The following TBL1X variants were observed in gnomAD, a reference collection of about 807,000 sequenced individuals.
The protein encoded by TBL1X is F-box-like/WD repeat-containing protein TBL1X.
Under a neutral mutation model 50.7 loss-of-function variants are expected in TBL1X, and 10 were observed. The observed-to-expected ratio is 0.20, with a 90% CI of 0.12 to 0.33. TBL1X has a LOEUF of 0.33. Among genes scored for constraint, TBL1X ranks in the 10% least tolerant of loss-of-function variants. The probability of loss-of-function intolerance (pLI) is 1.00; values close to 1 mark genes in which losing one functional copy is unlikely to be tolerated. For missense variants in TBL1X, 340 were observed against 504.4 expected (o/e 0.67, Z 3.12); for synonymous variants, 190 against 214.7 (o/e 0.88, Z 1.01).
chrX:9,684,339 C>T (rs951012699), intron 6 of TBL1X, 151 bp downstream of exon 6: 3 of 809,129 alleles, frequency 3.7e-6, no homozygotes, highest in Non-Finnish European at 5.2e-6. Flanking sequence ...AATCCCAGGA[C>T]TTTGGGAGGC....
At chrX:9,572,056 C>G (rs1460037429) in intron 2 of TBL1X, among the ~76,000 whole-genome samples, 3 of 111,936 alleles carry the variant, frequency 2.7e-5, no homozygotes, top group African/African-American at 9.8e-5. Flanking sequence ...CTTGTGACTA[C>G]TATTTAGATG....
intron 2 of TBL1X, among the ~76,000 whole-genome samples, chrX:9,581,687 G>C (rs989144516): frequency 2.7e-4 from 30 of 112,106 alleles, no homozygotes; most frequent in Non-Finnish European, 3.8e-4. Context: ...CATTTGCTTA[G>C]TGCTGCGAGA....
chrX:9,711,835 C>T (rs767802297), intron 16 of TBL1X, 59 bp downstream of exon 16: 1 of 1,114,476 alleles, frequency 9.0e-7, no homozygotes, highest in East Asian at 3.2e-5. Context: ...ATAGCCACGA[C>T]TCCAGTGCCC....
chrX:9,703,499 C>A (rs977578687), intron 12 of TBL1X, among the ~76,000 whole-genome samples: 3 of 111,630 alleles, frequency 2.7e-5, no homozygotes, highest in Non-Finnish European at 3.8e-5. Flanking sequence ...CCCTTCCTGG[C>A]CCCTAGGAAG....
intron 2 of TBL1X, among the ~76,000 whole-genome samples, chrX:9,530,768 A>T (rs2082155997): frequency 8.9e-6 from 1 of 112,463 alleles, no homozygotes; most frequent in East Asian, 2.8e-4. Context: ...TATAACGGAA[A>T]GAAAATGTTT....
intron 2 of TBL1X, among the ~76,000 whole-genome samples, chrX:9,633,694 C>T (rs771681146): frequency 2.7e-5 from 3 of 112,342 alleles, no homozygotes; most frequent in Non-Finnish European, 5.6e-5. Context: ...TAAAAAAATA[C>T]ACATTGGAGA....
intron 2 of TBL1X, among the ~76,000 whole-genome samples, chrX:9,536,962 G>A (rs2082191297): frequency 8.9e-6 from 1 of 112,279 alleles, no homozygotes; most frequent in Admixed American, 9.4e-5. Flanking sequence ...CGCCAAGAAA[G>A]ATTTCCAGGC....
intron 2 of TBL1X, among the ~76,000 whole-genome samples, chrX:9,552,733 G>A (rs1457519885): frequency 8.9e-6 from 1 of 112,148 alleles, no homozygotes; most frequent in East Asian, 2.8e-4. Context: ...TCTCAAAATG[G>A]TCCTTGGTAG....
chrX:9,706,127 C>G (rs1356602127), intron 13 of TBL1X, among the ~76,000 whole-genome samples: 4 of 112,015 alleles, frequency 3.6e-5, no homozygotes, highest in African/African-American at 1.3e-4. Flanking sequence ...GGCCCCACCT[C>G]TGCATCAGGG....
At chrX:9,599,347 A>G (rs2082542836) in intron 2 of TBL1X, among the ~76,000 whole-genome samples, 1 of 112,405 alleles carries the variant, frequency 8.9e-6, no homozygotes, top group African/African-American at 3.2e-5. Flanking sequence ...AGTTACTCCC[A>G]GGTACTAGGT....
chrX:9,698,084 G>A (rs7886505), intron 12 of TBL1X, among the ~76,000 whole-genome samples: 20,493 of 110,611 alleles, frequency 0.19, 1,513 homozygotes, highest in South Asian at 0.32. Flanking sequence ...ATCCTGAGAT[G>A]CCCCTTAAAG....
rs16985643 is a variant in TBL1X at position 9,646,033 on chromosome X, A to G, written c.-43+5673A>G. ...AGTTGGTTATCTTCCCTAAGCCTTTATTTGTTAAACCTATAAAATGGTAAT... is the reference window on the plus strand; with the variant it reads ...AGTTGGTTATCTTCCCTAAGCCTTTGTTTGTTAAACCTATAAAATGGTAAT... On this transcript the variant is annotated intron_variant, in intron 3 of 17. Transcript: ENST00000645353. Among the ~76,000 whole-genome samples the G allele has an allele frequency of 5.0e-3, 558 of 112,689 alleles. 4 individuals are homozygous for G. Among genetic ancestry groups the G allele is most frequent in the African/African-American group, 0.017 (524 of 31,048 alleles).
chrX:9,714,816 G>A (rs1265017810), intron 16 of TBL1X, 86 bp from the exon 17 acceptor site: 9 of 920,030 alleles, frequency 9.8e-6, no homozygotes, highest in African/African-American at 3.9e-5. Flanking sequence ...ATGACGAAAC[G>A]TCAGGGCCGG....
intron 2 of TBL1X, among the ~76,000 whole-genome samples, chrX:9,597,114 A>C (rs1792231998): frequency 9.0e-6 from 1 of 111,486 alleles, no homozygotes; most frequent in Non-Finnish European, 1.9e-5. Context: ...TAAAAGGAGG[A>C]GAGCTGAGAC....
intron 2 of TBL1X, among the ~76,000 whole-genome samples, chrX:9,513,008 G>T (rs1238296452): frequency 9.0e-6 from 1 of 110,658 alleles, no homozygotes; most frequent in Non-Finnish European, 1.9e-5. Context: ...AGGACCTTAT[G>T]CGGCTCCTTT....
Position 9,700,226 on chromosome X carries a change from A to G in TBL1X, c.1114+2797A>G, listed in dbSNP as rs773184513. Among the ~76,000 whole-genome samples, 5 of 112,417 alleles carry G rather than the reference A, an allele frequency of 4.4e-5. No homozygotes were observed. The South Asian group carries it at 1.8e-3, about 41-fold the overall frequency. Reference sequence around the variant, plus strand: ...AGGAAGGATGCTATGACAGGTTCACAGCCCTAGACACGCAGACCCCGGGGG... The same window carrying G: ...AGGAAGGATGCTATGACAGGTTCACGGCCCTAGACACGCAGACCCCGGGGG... On this transcript the variant is annotated intron_variant, in intron 12 of 17. Coordinates refer to ENST00000645353, the MANE Select transcript of TBL1X (RefSeq NM_005647.4).
At chrX:9,709,393 G>T in intron 14 of TBL1X, 71 bp downstream of exon 14, 1 of 1,101,206 alleles carries the variant, frequency 9.1e-7, no homozygotes, top group Non-Finnish European at 1.2e-6. Flanking sequence ...CCAGTCTCAC[G>T]GTCACTCTTA....
intron 2 of TBL1X, chrX:9,636,729 A>C (rs916714621): frequency 1.8e-5 from 2 of 112,522 alleles, no homozygotes; most frequent in African/African-American, 3.2e-5. Context: ...TAGTATTAAA[A>C]AGAAGAGTCT....
chrX:9,588,267 G>A (rs929070806), intron 2 of TBL1X, among the ~76,000 whole-genome samples: 10 of 111,415 alleles, frequency 9.0e-5, no homozygotes, highest in Non-Finnish European at 1.3e-4. Context: ...GAGGATACTC[G>A]GATTTTGGTA....
Sources: allele counts gnomAD v4.1 joint callset (sites outside exome capture counted in the v4.1 genomes callset), GRCh38; gene constraint gnomAD v4.1.1; transcripts MANE v1.5; gene names NCBI Gene and HGNC (gene_info 2026-07-23, HGNC 2026-07-21).